SAMD12: variants seen among roughly 807,000 people sequenced by gnomAD.
SAMD12 encodes the protein sterile alpha motif domain-containing protein 12.
Under a neutral mutation model 15.0 loss-of-function variants are expected in SAMD12, and 9 were observed. That is an observed-to-expected ratio of 0.60 (90% CI 0.36 to 1.05). SAMD12 has a LOEUF of 1.05. Ranked by LOEUF, SAMD12 falls within the 50% of genes least tolerant of loss-of-function variation. SAMD12 has a pLI of 0.01. For missense variants in SAMD12, 230 were observed against 234.2 expected (o/e 0.98, Z 0.12); for synonymous variants, 86 against 90.1 (o/e 0.96, Z 0.25).
At chr8:118,309,961 G>A (rs1248187003) in intron 4 of SAMD12, among the ~76,000 whole-genome samples, 1 of 152,098 alleles carries the variant, frequency 6.6e-6, no homozygotes, top group Non-Finnish European at 1.5e-5. Flanking sequence ...GACCATTGAA[G>A]GTACTTAATA....
At chr8:118,268,159 T>C (rs1256797811) in intron 4 of SAMD12, among the ~76,000 whole-genome samples, 2 of 152,128 alleles carry the variant, frequency 1.3e-5, no homozygotes, top group Admixed American at 6.6e-5. Flanking sequence ...AGTTAACTGA[T>C]TATTTTGGCA....
At chr8:118,184,672 G>A (rs1586320972), downstream of SAMD12, among the ~76,000 whole-genome samples, 1 of 151,980 alleles carries the variant, frequency 6.6e-6, no homozygotes, top group South Asian at 2.1e-4. Flanking sequence ...ATATTTTGTA[G>A]TTTTAGTAGA....
intron 4 of SAMD12, among the ~76,000 whole-genome samples, chr8:118,244,740 CCT>C (rs1812647754): frequency 6.6e-6 from 1 of 151,868 alleles, no homozygotes; most frequent in South Asian, 2.1e-4. Context: ...GATAAAATGC[CCT>C]GAGTGAGATA....
At chr8:118,480,723 C>G (rs1824101743) in intron 2 of SAMD12, among the ~76,000 whole-genome samples, 1 of 152,164 alleles carries the variant, frequency 6.6e-6, no homozygotes, top group South Asian at 2.1e-4. Flanking sequence ...TCCCTGGTTT[C>G]CCATCATGCT....
intron 4 of SAMD12, among the ~76,000 whole-genome samples, chr8:118,318,405 T>G (rs1816057858): frequency 6.7e-6 from 1 of 148,220 alleles, no homozygotes; most frequent in East Asian, 2.0e-4. Context: ...AATGAAATAA[T>G]GTCTTTTGTA....
chr8:118,568,056 C>T (rs1826898250), intron 2 of SAMD12, among the ~76,000 whole-genome samples: 1 of 152,116 alleles, frequency 6.6e-6, no homozygotes, highest in South Asian at 2.1e-4. Context: ...TAATAATAAA[C>T]ATAAATTATG....
exon 5 of SAMD12, chr8:118,194,494 TC>T (rs1445128354): frequency 6.6e-6 from 1 of 152,110 alleles, no homozygotes; most frequent in Non-Finnish European, 1.5e-5. Context: ...AATAAGCGAA[TC>T]CCCTTGGCAC....
At chr8:118,435,384 T>C (rs1466929182) in intron 3 of SAMD12, among the ~76,000 whole-genome samples, 1 of 152,194 alleles carries the variant, frequency 6.6e-6, no homozygotes, top group African/African-American at 2.4e-5. Context: ...TAGGTATGTA[T>C]GTATACACTA....
intron 2 of SAMD12, among the ~76,000 whole-genome samples, chr8:118,519,432 C>A (rs1243075845): frequency 6.6e-6 from 1 of 152,184 alleles, no homozygotes; most frequent in African/African-American, 2.4e-5. Context: ...AATTTCAATG[C>A]AGGTCTGGCT....
chr8:118,569,045 T>C (rs1826933230), intron 2 of SAMD12, among the ~76,000 whole-genome samples: 1 of 152,234 alleles, frequency 6.6e-6, no homozygotes, highest in Non-Finnish European at 1.5e-5. Context: ...ATGATGGTGA[T>C]ATTCAACTTC....
At chr8:118,243,334 G>T (rs967631163) in intron 4 of SAMD12, among the ~76,000 whole-genome samples, 13 of 152,040 alleles carry the variant, frequency 8.6e-5, no homozygotes, top group South Asian at 4.2e-4. Context: ...AAACAAGGAG[G>T]GGAAAAATCC....
chr8:118,342,010 C>T (rs1483489776), intron 4 of SAMD12, among the ~76,000 whole-genome samples: 1 of 152,178 alleles, frequency 6.6e-6, no homozygotes. Flanking sequence ...TTTTAAGAGG[C>T]CTGGTGTGGT....
chr8:118,187,634 C>T (rs1819263442), downstream of SAMD12, among the ~76,000 whole-genome samples: 1 of 152,128 alleles, frequency 6.6e-6, no homozygotes, highest in Non-Finnish European at 1.5e-5. Flanking sequence ...ACAATGTTTA[C>T]CCCAGGCATC....
chr8:118,173,788 C>T, the SAMD12 span, among the ~76,000 whole-genome samples: 2 of 151,802 alleles, frequency 1.3e-5, no homozygotes, highest in South Asian at 2.1e-4. Context: ...TGCCACCACA[C>T]CTGGCTAATT....
At chr8:118,164,233 T>C in the SAMD12 span, among the ~76,000 whole-genome samples, 1 of 152,174 alleles carries the variant, frequency 6.6e-6, no homozygotes, top group African/African-American at 2.4e-5. Context: ...TAATTATTAT[T>C]TGGAGTCAAA....
At chr8:118,215,290 T>C (rs991885406) in intron 4 of SAMD12, among the ~76,000 whole-genome samples, 2 of 152,208 alleles carry the variant, frequency 1.3e-5, no homozygotes, top group Non-Finnish European at 2.9e-5. Context: ...AAGAGCTGCA[T>C]AGTTATAGAG....
intron 4 of SAMD12, among the ~76,000 whole-genome samples, chr8:118,321,258 G>C (rs1360087221): frequency 7.1e-6 from 1 of 140,118 alleles, no homozygotes; most frequent in Admixed American, 7.4e-5. Flanking sequence ...CTCAGGTTAA[G>C]AATCCCTTGC....
chr8:118,404,023 G>C (rs1820997647), intron 3 of SAMD12, among the ~76,000 whole-genome samples: 1 of 152,126 alleles, frequency 6.6e-6, no homozygotes, highest in African/African-American at 2.4e-5. Context: ...TTTGTCCCCA[G>C]GCTGGAGTGC....
At chr8:118,410,829 CA>C (rs537621070) in intron 3 of SAMD12, among the ~76,000 whole-genome samples, 75 of 152,250 alleles carry the variant, frequency 4.9e-4, no homozygotes, top group Admixed American at 1.8e-3. Flanking sequence ...AAGGCTACAA[CA>C]TTTTGGGGTT....
Sources: gnomAD v4.1 joint callset for allele counts (sites outside exome capture counted in the v4.1 genomes callset) on GRCh38, gnomAD v4.1.1 for gene constraint, MANE v1.5 for transcripts, NCBI Gene and HGNC (gene_info 2026-07-23, HGNC 2026-07-21) for gene names.